Variants in COG6 observed in about 807,000 individuals in gnomAD.
COG6 encodes the protein component of oligomeric golgi complex 6.
In COG6, 74 loss-of-function variants were observed where a neutral mutation model predicts 88.8. The ratio of observed to expected loss-of-function variants is 0.83; its 90% CI spans 0.69 to 1.01. The LOEUF is 1.01. COG6 is among the 50% of genes least tolerant of loss of function. The pLI, the probability that COG6 is intolerant of heterozygous loss-of-function variation, is 0.00. For synonymous variants in COG6, 286 were observed against 278.7 expected (o/e 1.03, Z -0.26); for missense variants, 800 against 797.9 (o/e 1.00, Z -0.03).
At chr13:39,749,067 TAACAC>T (rs888130916) in intron 18 of COG6, among the ~76,000 whole-genome samples, 1 of 152,200 alleles carries the variant, frequency 6.6e-6, no homozygotes, top group African/African-American at 2.4e-5. Context: ...TGTGACAACT[TAACAC>T]AATATTACTA....
chr13:39,757,852 G>A (rs1245041687), intron 18 of COG6, among the ~76,000 whole-genome samples: 1 of 152,116 alleles, frequency 6.6e-6, no homozygotes, highest in Non-Finnish European at 1.5e-5. Context: ...TGTATAAGTG[G>A]ACCCACGCAG....
intron 8 of COG6, among the ~76,000 whole-genome samples, chr13:39,683,890 T>C (rs1310063865): frequency 6.6e-6 from 1 of 152,192 alleles, no homozygotes; most frequent in African/African-American, 2.4e-5. Flanking sequence ...TAAGGTGGGT[T>C]CTTGAGTCAA....
intron 18 of COG6, among the ~76,000 whole-genome samples, chr13:39,728,373 G>A (rs1052972061): frequency 6.6e-6 from 1 of 152,078 alleles, no homozygotes; most frequent in Non-Finnish European, 1.5e-5. Flanking sequence ...CTGTTCTTGA[G>A]TATAGAACTA....
chr13:39,751,072 A>G lies in COG6; in HGVS notation c.1953A>G (p.Gln651=). Residue 651 remains glutamine, a synonymous_variant, in exon 19 of 19, where the codon CAA becomes CAG. Transcript: ENST00000455146. The part of the protein sequence containing the change: ...PENILHRSPQ[Q]VQTLLS Reference sequence around the variant, plus strand: ...ACATTCTTCACCGATCGCCGCAGCAAGTGCAGACGCTTCTTTCCTGATTAT... The same window carrying G: ...ACATTCTTCACCGATCGCCGCAGCAGGTGCAGACGCTTCTTTCCTGATTAT... 6.2e-7 allele frequency: 1 copy of G among 1,613,752 alleles called. No individual in the cohort carries two copies.
At chr13:39,736,606 G>A (rs1879759245) in intron 18 of COG6, among the ~76,000 whole-genome samples, 3 of 152,062 alleles carry the variant, frequency 2.0e-5, no homozygotes, top group Admixed American at 1.3e-4. Flanking sequence ...CAGGAGAATC[G>A]CTTGAACCTG....
intron 13 of COG6, among the ~76,000 whole-genome samples, chr13:39,708,886 G>A (rs960250534): frequency 6.6e-6 from 1 of 152,088 alleles, no homozygotes; most frequent in Non-Finnish European, 1.5e-5. Context: ...CAGTAGTGTA[G>A]TTGCAGGTGG....
At chr13:39,716,032 G>A (rs1878510561) in intron 13 of COG6, among the ~76,000 whole-genome samples, 1 of 151,788 alleles carries the variant, frequency 6.6e-6, no homozygotes, top group Admixed American at 6.6e-5. Context: ...TTTTTTTTAA[G>A]TTCACATTTA....
At chr13:39,697,922 G>T (rs1352242902) in intron 12 of COG6, among the ~76,000 whole-genome samples, 7 of 151,988 alleles carry the variant, frequency 4.6e-5, no homozygotes, top group Non-Finnish European at 8.8e-5. Context: ...TGAAGTTTGG[G>T]TGTGTTGTGG....
At chr13:39,789,794 A>G (rs1202902874) in exon 19 of COG6, 1 of 152,372 alleles carries the variant, frequency 6.6e-6, no homozygotes, top group Non-Finnish European at 1.5e-5. Context: ...TTCCTTGTCC[A>G]GGGGTGTACT....
intron 11 of COG6, 67 bp downstream of exon 11, chr13:39,689,891 C>T: frequency 1.0e-6 from 1 of 965,758 alleles, no homozygotes; most frequent in Non-Finnish European, 1.6e-6. Context: ...TTTATAGAAA[C>T]TTAAGAAACT....
chr13:39,781,266 G>A (rs1483630584), intron 18 of COG6, among the ~76,000 whole-genome samples: 5 of 152,116 alleles, frequency 3.3e-5, no homozygotes, highest in Non-Finnish European at 7.4e-5. Flanking sequence ...AGGGCTGGAG[G>A]ACTCTTTTTT....
At chr13:39,712,781 G>C (rs1042530828) in intron 13 of COG6, among the ~76,000 whole-genome samples, 3 of 152,188 alleles carry the variant, frequency 2.0e-5, no homozygotes, top group Non-Finnish European at 4.4e-5. Context: ...CCATGGTATA[G>C]GTATTTGGAA....
In COG6 at chr13:39,752,515, T is replaced by C; in HGVS notation, c.*1422T>C. 8.5e-7 allele frequency: 1 copy of C among 1,182,840 alleles called. No individual in the cohort carries two copies. Among genetic ancestry groups the C allele is most frequent in the South Asian group, 1.4e-5 (1 of 73,262 alleles). 73.3% of individuals were successfully genotyped at this position (1,182,840 alleles called of 1,614,324 possible). On this transcript the variant is annotated 3_prime_UTR_variant, in exon 19 of 19. Coordinates refer to ENST00000455146, the MANE Select transcript of COG6 (RefSeq NM_020751.3). ...ATCAAGAGCTTAAATTGTATATAAT[T>C]TATTTCTACAGAGAAAGAAGATTGA... is the stretch of plus-strand genomic sequence containing the variant.
Position 39,783,789 on chromosome 13 carries a change from C to A in COG6, c.1827-4546C>A, listed in dbSNP as rs1881697694. On this transcript the variant is annotated intron_variant, in intron 18 of 18. Coordinates refer to the COG6 transcript ENST00000416691. ...AACATCATTTATCTATAGGCAGCTC[C>A]TCAAGCTAAGTGGCCATCCAAATAC... Among the ~76,000 whole-genome samples the A allele has an allele frequency of 1.3e-5, 2 of 152,180 alleles. 1 individual carries two copies. Among genetic ancestry groups the A allele is most frequent in the South Asian group, 4.1e-4 (2 of 4,832 alleles).
chr13:39,689,718 T>C, intron 10 of COG6, 42 bp from the exon 11 acceptor site: 1 of 1,400,210 alleles, frequency 7.1e-7, no homozygotes, highest in Non-Finnish European at 1.0e-6. Flanking sequence ...AAGCAAAGTA[T>C]AATATGGAAA....
At chr13:39,697,143 A>T (rs1877321720) in intron 12 of COG6, among the ~76,000 whole-genome samples, 1 of 151,488 alleles carries the variant, frequency 6.6e-6, no homozygotes, top group Non-Finnish European at 1.5e-5. Flanking sequence ...ATCTGTGAAT[A>T]TACAGGAGAT....
intron 18 of COG6, among the ~76,000 whole-genome samples, chr13:39,759,606 A>G (rs1174358933): frequency 1.3e-5 from 2 of 152,174 alleles, no homozygotes; most frequent in Non-Finnish European, 2.9e-5. Flanking sequence ...TTGAATTTGC[A>G]TACTTACTTC....
chr13:39,761,222 T>A (rs1444393982), intron 18 of COG6, among the ~76,000 whole-genome samples: 2 of 152,022 alleles, frequency 1.3e-5, no homozygotes, highest in Non-Finnish European at 2.9e-5. Flanking sequence ...CTAAGAAAAC[T>A]TTGGTGTTTA....
chr13:39,788,688 A>G, exon 19 of COG6: 1 of 278,766 alleles, frequency 3.6e-6, no homozygotes, highest in Non-Finnish European at 6.7e-6. Context: ...GTTGGCTATT[A>G]TCACTATTGT....
Sources: allele counts gnomAD v4.1 joint callset (sites outside exome capture counted in the v4.1 genomes callset), GRCh38; gene constraint gnomAD v4.1.1; transcripts MANE v1.5; gene names NCBI Gene and HGNC (gene_info 2026-07-23, HGNC 2026-07-21).